The following KCNT2 variants were observed in gnomAD, a reference collection of about 807,000 sequenced individuals.
KCNT2 encodes potassium channel subfamily T member 2.
In KCNT2, 67 loss-of-function variants were observed where a neutral mutation model predicts 153.8. The ratio of observed to expected loss-of-function variants is 0.44; its 90% CI spans 0.36 to 0.53. The LOEUF (loss-of-function observed/expected upper bound fraction) is 0.53, where lower values mean the gene tolerates loss of function less well. KCNT2 is among the 20% of genes least tolerant of loss of function. The pLI, the probability that KCNT2 is intolerant of heterozygous loss-of-function variation, is 0.00. For synonymous variants in KCNT2, 500 were observed against 458.8 expected, an observed-to-expected ratio of 1.09 and a Z score of -1.15; for missense variants, 975 against 1,354.8, an observed-to-expected ratio of 0.72 and a Z score of 4.40.
intron 5 of KCNT2, among the ~76,000 whole-genome samples, chr1:196,475,346 G>A (rs899579173): frequency 6.6e-6 from 1 of 152,062 alleles, no homozygotes; most frequent in Non-Finnish European, 1.5e-5. Flanking sequence ...CAGGCATGGT[G>A]GCTCATGCCT....
At chr1:196,406,524 C>T (rs1446491280) in intron 12 of KCNT2, among the ~76,000 whole-genome samples, 5 of 150,416 alleles carry the variant, frequency 3.3e-5, no homozygotes, top group African/African-American at 1.2e-4. Flanking sequence ...TCTAGTTAAA[C>T]TATATTACTC....
intron 1 of KCNT2, among the ~76,000 whole-genome samples, chr1:196,542,728 TA>T (rs1233254242): frequency 1.3e-5 from 2 of 152,078 alleles, no homozygotes; most frequent in African/African-American, 4.8e-5. Context: ...GAATGCCTAT[TA>T]GGGGTAAGGT....
At chr1:196,484,699 T>TGTATAAG (rs1401558623) in intron 3 of KCNT2, among the ~76,000 whole-genome samples, 1 of 152,142 alleles carries the variant, frequency 6.6e-6, no homozygotes, top group East Asian at 1.9e-4. Context: ...AGTTAATTTT[T>TGTATAAG]GTATAAGGTA....
intron 1 of KCNT2, among the ~76,000 whole-genome samples, chr1:196,518,256 C>A (rs1035110819): frequency 1.3e-5 from 2 of 152,066 alleles, no homozygotes; most frequent in South Asian, 2.1e-4. Flanking sequence ...GAATAGACAT[C>A]GAAAGAAGCA....
At chr1:196,585,664 G>A (rs896152272) in intron 1 of KCNT2, among the ~76,000 whole-genome samples, 1 of 151,974 alleles carries the variant, frequency 6.6e-6, no homozygotes, top group African/African-American at 2.4e-5. Context: ...GAGCAAGAAA[G>A]AGAATGGGAT....
At chr1:196,536,532 G>T (rs1276965707) in intron 1 of KCNT2, among the ~76,000 whole-genome samples, 2 of 152,214 alleles carry the variant, frequency 1.3e-5, no homozygotes, top group African/African-American at 4.8e-5. Context: ...ATGTCTAGGG[G>T]TGCCTCAGGC....
intron 1 of KCNT2, among the ~76,000 whole-genome samples, chr1:196,582,163 G>T (rs1425565968): frequency 1.3e-5 from 2 of 151,914 alleles, no homozygotes; most frequent in Non-Finnish European, 2.9e-5. Context: ...TCCCCTTCCA[G>T]CAAGCCTAAT....
rs1028638255 is a variant in KCNT2 at position 196,340,477 on chromosome 1, T to C, written c.1647A>G (p.Ile549Met). 18 of 1,611,550 alleles carry C rather than the reference T, an allele frequency of 1.1e-5. No individual in the cohort carries two copies. The highest frequency in any genetic ancestry group is 1.5e-5 in the Non-Finnish European group (18 of 1,178,278). Reference sequence around the variant, plus strand: ...CTTTGGTAATATTAATATAAAAGCATATGTCTGTAGAATTCATAATGTATC... The same window carrying C: ...CTTTGGTAATATTAATATAAAAGCACATGTCTGTAGAATTCATAATGTATC... Reference protein sequence around the residue: ...GPRYIMNSTDICFYINITKEE... With the variant: ...GPRYIMNSTDMCFYINITKEE... The change falls in exon 16 of 28, where the codon ATA becomes ATG. Residue 549 changes from isoleucine to methionine, a missense_variant. Transcript: ENST00000294725.
intron 26 of KCNT2, among the ~76,000 whole-genome samples, chr1:196,250,380 T>C (rs1655851737): frequency 6.6e-6 from 1 of 152,094 alleles, no homozygotes; most frequent in African/African-American, 2.4e-5. Context: ...GAACATACAT[T>C]GGGGAAAGGA....
chr1:196,316,503 T>G (rs1287015503), intron 20 of KCNT2, among the ~76,000 whole-genome samples: 1 of 151,734 alleles, frequency 6.6e-6, no homozygotes, highest in Non-Finnish European at 1.5e-5. Context: ...GAAATGTTTA[T>G]TTTTAAATGT....
intron 11 of KCNT2, among the ~76,000 whole-genome samples, chr1:196,425,407 C>G (rs1398928072): frequency 1.3e-5 from 2 of 151,950 alleles, no homozygotes; most frequent in Non-Finnish European, 2.9e-5. Context: ...GTGTCCAATA[C>G]ATAGTGCAAG....
chr1:196,334,921 CATGGAAGT>C (rs1664869116), intron 16 of KCNT2, among the ~76,000 whole-genome samples: 1 of 152,056 alleles, frequency 6.6e-6, no homozygotes, highest in East Asian at 1.9e-4. Context: ...GCACACAAGT[CATGGAAGT>C]ACCTGGAGGC....
intron 27 of KCNT2, among the ~76,000 whole-genome samples, chr1:196,234,938 C>T (rs1654298484): frequency 6.6e-6 from 1 of 151,216 alleles, no homozygotes; most frequent in Non-Finnish European, 1.5e-5. Flanking sequence ...CAGGACAGGT[C>T]GTGTATCTCA....
intron 14 of KCNT2, among the ~76,000 whole-genome samples, chr1:196,371,851 G>A (rs1158165282): frequency 1.3e-5 from 2 of 151,982 alleles, no homozygotes; most frequent in East Asian, 3.9e-4. Flanking sequence ...TAGTGTTTAT[G>A]GGACTTATTT....
At chr1:196,447,163 C>T (rs760673136) in intron 8 of KCNT2, among the ~76,000 whole-genome samples, 13 of 151,410 alleles carry the variant, frequency 8.6e-5, no homozygotes, top group Non-Finnish European at 1.9e-4. Context: ...AACTCAGTTT[C>T]ATTTCCAGAA....
intron 14 of KCNT2, among the ~76,000 whole-genome samples, chr1:196,344,012 T>A (rs1232769506): frequency 1.3e-5 from 2 of 152,190 alleles, no homozygotes; most frequent in African/African-American, 4.8e-5. Context: ...ACTCCCAACC[T>A]CAGGCGATCC....
intron 8 of KCNT2, among the ~76,000 whole-genome samples, chr1:196,436,949 T>C (rs1181806862): frequency 7.2e-6 from 1 of 139,578 alleles, no homozygotes; most frequent in Non-Finnish European, 1.5e-5. Context: ...TTAGTAAACA[T>C]TTTGGTATGT....
intron 13 of KCNT2, among the ~76,000 whole-genome samples, chr1:196,389,744 G>T (rs1299272531): frequency 6.6e-6 from 1 of 151,606 alleles, no homozygotes; most frequent in Non-Finnish European, 1.5e-5. Context: ...ATAGGTTTGT[G>T]TCACTGTAAA....
Position 196,514,252 on chromosome 1 carries a change from AG to A in KCNT2, c.96-21912del, listed in dbSNP as rs534005526. On this transcript the variant is annotated intron_variant, in intron 1 of 27. Transcript: ENST00000294725. Reference sequence around the variant, plus strand: ...TGTTGAATGAATTTTGCTATATAAAAGTTTGCTGTTTCCTCTTGTTCTTATT... The same window carrying A: ...TGTTGAATGAATTTTGCTATATAAAATTTGCTGTTTCCTCTTGTTCTTATT... 1.3e-3 allele frequency among the ~76,000 whole-genome samples: 191 copies of A among 152,322 alleles called. No individual in the cohort carries two copies. The Middle Eastern group carries it at 0.034, about 27-fold the overall frequency.
Sources: allele counts gnomAD v4.1 joint callset (sites outside exome capture counted in the v4.1 genomes callset), GRCh38; gene constraint gnomAD v4.1.1; transcripts MANE v1.5; gene names NCBI Gene and HGNC (gene_info 2026-07-23, HGNC 2026-07-21).